The following ANKUB1 variants were observed in gnomAD, a reference collection of about 807,000 sequenced individuals.
ANKUB1 encodes protein ANKUB1.
ANKUB1 carries 42 observed loss-of-function variants against 49.3 expected under a neutral mutation model. The observed-to-expected ratio is 0.85, with a 90% CI of 0.67 to 1.10. ANKUB1 has a LOEUF of 1.10. Ranked by LOEUF, ANKUB1 falls within the 50% of genes least tolerant of loss-of-function variation. ANKUB1 has a pLI of 0.00. For missense variants in ANKUB1, 613 were observed against 642.0 expected (o/e 0.95, Z 0.49); for synonymous variants, 222 against 231.0 (o/e 0.96, Z 0.35).
rs1334311232 is a variant in ANKUB1 at position 149,761,474 on chromosome 3, T to A, written c.*10A>T. 6.4e-7 allele frequency: 1 copy of A among 1,551,070 alleles called. No homozygotes were observed. Among genetic ancestry groups the A allele is most frequent in the African/African-American group, 1.4e-5 (1 of 73,036 alleles). On this transcript the variant is annotated 3_prime_UTR_variant, in exon 6 of 6. Coordinates refer to ENST00000446160, the MANE Select transcript of ANKUB1 (RefSeq NM_001144960.3). Reference sequence around the variant, plus strand: ...CAGGTCTTTGTCCAAACTGAAGTTGTCATGACTTTTCAAAGCACAGTTTCT... The same window carrying A: ...CAGGTCTTTGTCCAAACTGAAGTTGACATGACTTTTCAAAGCACAGTTTCT...
At chr3:149,778,250 C>T (rs1454516817) in intron 3 of ANKUB1, 2 of 152,236 alleles carry the variant, frequency 1.3e-5, no homozygotes, top group East Asian at 3.9e-4. Context: ...GTGGCCAAAA[C>T]AGCCTACTCA....
In ANKUB1 at chr3:149,782,600, A is replaced by G. The variant is rs112719750; in HGVS notation, c.235-2145T>C. ...CTCACTCTGTTGCCCAGGCTGAAGTACAGTGGCACTATCAGAGCTCACAGT... is the reference window on the plus strand; with the variant it reads ...CTCACTCTGTTGCCCAGGCTGAAGTGCAGTGGCACTATCAGAGCTCACAGT... On this transcript the variant is annotated intron_variant, in intron 2 of 5. Transcript: ENST00000446160. 6.7e-3 allele frequency among the ~76,000 whole-genome samples: 1,021 copies of G among 152,276 alleles called. 10 individuals are homozygous for G. Among genetic ancestry groups the G allele is most frequent in the Non-Finnish European group, 0.011 (742 of 68,018 alleles).
In ANKUB1 at chr3:149,761,550, G is replaced by C; in HGVS notation, c.1569C>G (p.Ser523Arg). 1 of 1,551,404 alleles carries C rather than the reference G, an allele frequency of 6.4e-7. No individual in the cohort carries two copies. Among genetic ancestry groups the C allele is most frequent in the Non-Finnish European group, 8.7e-7 (1 of 1,146,796 alleles). Residue 523 changes from serine (S) to arginine (R), a missense_variant, in exon 6 of 6, where the codon AGC becomes AGG. Transcript: ENST00000446160. ...CTCCTCGGGTAGTCAAGTTAGAAAT[G>C]CTCTTTTTGGCCAGGACTCTTGCTA... is the stretch of plus-strand genomic sequence containing the variant. ...LEIARVLAKKSISNLTTRGGL... is the reference protein window; with the variant it reads ...LEIARVLAKKRISNLTTRGGL...
Position 149,780,371 on chromosome 3 carries a change from T to C in ANKUB1, c.319A>G (p.Lys107Glu). ...AGTGTTCTCAGATCAGACACTGTTT[T>C]ATCAAGAAGGGAAATGCTCTCCATT... ...PVMESISLLD[K>E]TVSDLRTLVT... The change falls in exon 3 of 6, where the codon AAA (lysine) becomes GAA (glutamate). Residue 107 changes from lysine (K) to glutamate (E), a missense_variant. Transcript: ENST00000446160. 6.4e-7 allele frequency: 1 copy of C among 1,552,142 alleles called. No homozygotes were observed. The highest frequency in any genetic ancestry group is 8.7e-7 in the Non-Finnish European group (1 of 1,147,058).
In ANKUB1 at chr3:149,767,661, CA is replaced by C. The variant is rs1322436957; in HGVS notation, c.1000del (p.Cys334ValfsTer14). On this transcript the variant is annotated frameshift_variant, in exon 5 of 6. Transcript: ENST00000446160. LOFTEE classifies it high-confidence loss of function. ...TTTTGCCCCAAAGACCCTTGCTCCA[CA>C]AAACTGGCTTTTATGAAGACTGTGA... Reference protein sequence around the residue: ...QSHSLHKSQFCGARVFGAKVG... With the variant: ...QSHSLHKSQFXGARVFGAKVG... 2 of 1,551,568 alleles carry C rather than the reference CA, an allele frequency of 1.3e-6. No homozygotes were observed. The highest frequency in any genetic ancestry group is 1.7e-6 in the Non-Finnish European group (2 of 1,147,008).
rs569506078 is a variant in ANKUB1 at position 149,784,560 on chromosome 3, GT to G, written c.235-4106del. ...CTGTAGTGGTGACCTTCCCAGATTA[GT>G]TCTGGGGCGTGCTTTAGATGTTGTT... On this transcript the variant is annotated intron_variant, in intron 2 of 5. Transcript: ENST00000446160. 1.4e-4 allele frequency among the ~76,000 whole-genome samples: 22 copies of G among 152,310 alleles called. No individual in the cohort carries two copies. The South Asian group carries it at 4.1e-3, about 29-fold the overall frequency.
chr3:149,770,709 C>A, intron 3 of ANKUB1, 35 bp from the exon 4 acceptor site: 6 of 1,333,772 alleles, frequency 4.5e-6, no homozygotes, highest in Non-Finnish European at 5.2e-6. Flanking sequence ...TGGTTCCAGT[C>A]CAGCAGTGTG....
intron 5 of ANKUB1, among the ~76,000 whole-genome samples, chr3:149,764,585 TC>T (rs1716917475): frequency 1.4e-5 from 1 of 72,430 alleles, no homozygotes; most frequent in Non-Finnish European, 2.6e-5. Flanking sequence ...CCTCCCTCCC[TC>T]CCTCCCTTCC....
intron 1 of ANKUB1, 76 bp from the exon 2 acceptor site, chr3:149,791,000 T>C: frequency 7.2e-7 from 1 of 1,388,608 alleles, no homozygotes; most frequent in Middle Eastern, 1.8e-4. Flanking sequence ...TCTTTCCCTT[T>C]ACATTTTTTT....
At chr3:149,789,867 A>C (rs1354711342) in intron 2 of ANKUB1, among the ~76,000 whole-genome samples, 1 of 152,060 alleles carries the variant, frequency 6.6e-6, no homozygotes, top group Non-Finnish European at 1.5e-5. Flanking sequence ...TGACCTCATG[A>C]TCTTCCCACC....
intron 3 of ANKUB1, chr3:149,778,763 T>A (rs954415937): frequency 2.0e-5 from 3 of 152,134 alleles, no homozygotes; most frequent in African/African-American, 7.2e-5. Context: ...GAGCCTTAAT[T>A]TAAAATAATA....
intron 2 of ANKUB1, among the ~76,000 whole-genome samples, chr3:149,784,632 C>T (rs1718016271): frequency 6.6e-6 from 1 of 152,174 alleles, no homozygotes; most frequent in African/African-American, 2.4e-5. Context: ...CTTCCGAAAA[C>T]TACTCAATAG....
intron 2 of ANKUB1, among the ~76,000 whole-genome samples, chr3:149,786,490 C>T (rs1247411624): frequency 6.6e-6 from 1 of 152,180 alleles, no homozygotes; most frequent in African/African-American, 2.4e-5. Context: ...AGCCATTTGT[C>T]AGATGGGTAG....
chr3:149,761,960 C>T (rs1232840390), intron 5 of ANKUB1, among the ~76,000 whole-genome samples: 2 of 152,174 alleles, frequency 1.3e-5, no homozygotes, highest in Admixed American at 6.5e-5. Flanking sequence ...CTTTCTACCC[C>T]TACGAACACA....
intron 2 of ANKUB1, among the ~76,000 whole-genome samples, chr3:149,788,260 A>C (rs1718201755): frequency 1.3e-5 from 2 of 152,224 alleles, no homozygotes; most frequent in Admixed American, 1.3e-4. Context: ...TATTCTCTAA[A>C]TGTGATTCTA....
In ANKUB1 at chr3:149,782,074, A is replaced by T. The variant is rs1407160820; in HGVS notation, c.235-1619T>A. ...AGGCAGAAATTCCTATGAAAACTGA[A>T]TAAAAAGATAGTGGGAAAGAGAGAA... On this transcript the variant is annotated intron_variant, in intron 2 of 5. Coordinates refer to ENST00000446160, the MANE Select transcript of ANKUB1 (RefSeq NM_001144960.3). 2.6e-5 allele frequency among the ~76,000 whole-genome samples: 4 copies of T among 152,206 alleles called. No homozygotes were observed. In the East Asian group the frequency reaches 7.7e-4, roughly 29 times the overall value.
intron 5 of ANKUB1, among the ~76,000 whole-genome samples, chr3:149,765,392 A>T (rs1716967438): frequency 6.6e-6 from 1 of 152,170 alleles, no homozygotes; most frequent in Non-Finnish European, 1.5e-5. Flanking sequence ...TAGTGCTTGT[A>T]TGAAAACATA....
intron 2 of ANKUB1, among the ~76,000 whole-genome samples, chr3:149,782,009 G>A (rs905242317): frequency 2.0e-5 from 3 of 152,172 alleles, no homozygotes; most frequent in Admixed American, 6.6e-5. Flanking sequence ...TTCCATAAGG[G>A]AAGTATCTGT....
chr3:149,789,218 G>A (rs1407790637), intron 2 of ANKUB1, among the ~76,000 whole-genome samples: 1 of 152,128 alleles, frequency 6.6e-6, no homozygotes, highest in East Asian at 1.9e-4. Context: ...TATCCATACT[G>A]TTAAAAACCT....
Sources: gnomAD v4.1 joint callset for allele counts (sites outside exome capture counted in the v4.1 genomes callset) on GRCh38, gnomAD v4.1.1 for gene constraint, MANE v1.5 for transcripts, NCBI Gene and HGNC (gene_info 2026-07-23, HGNC 2026-07-21) for gene names.